Variants in TRPV6 observed in about 807,000 individuals in gnomAD.
The protein encoded by TRPV6 is transient receptor potential cation channel subfamily V member 6.
In TRPV6, 39 loss-of-function variants were observed where a neutral mutation model predicts 79.0. That is an observed-to-expected ratio of 0.49 (90% CI 0.38 to 0.64). The LOEUF (loss-of-function observed/expected upper bound fraction) is 0.64. TRPV6 is among the 30% of genes least tolerant of loss of function. TRPV6 has a pLI of 0.00. For missense variants in TRPV6, 813 were observed against 1,011.1 expected, an observed-to-expected ratio of 0.80 and a Z score of 2.66; for synonymous variants, 373 against 391.9, an observed-to-expected ratio of 0.95 and a Z score of 0.57.
At position 142,874,520 on chromosome 7, in the gene TRPV6, G is replaced by T. The variant is rs1248350146; in HGVS notation, c.1543C>A (p.Leu515Ile). 6.2e-7 allele frequency: 1 copy of T among 1,614,148 alleles called. No homozygotes were observed. Among genetic ancestry groups the T allele is most frequent in the Non-Finnish European group, 8.5e-7 (1 of 1,180,024 alleles). Residue 515 changes from leucine to isoleucine, a missense_variant, in exon 11 of 15, where the codon CTA becomes ATA. Physicochemically the swap from Leu to Ile is conservative, Grantham distance 5. Transcript: ENST00000359396. ...TGAATCATGATGGTGAAGGGGCCTA[G>T]CATCTGGAATCCTCGGGCGAAGTAC...
intron 1 of TRPV6, chr7:142,882,812 AC>A (rs1208411578): frequency 6.6e-6 from 1 of 152,192 alleles, no homozygotes; most frequent in Admixed American, 6.5e-5. Context: ...CACATTTCAT[AC>A]AGGTATTTAA....
At chr7:142,876,359 G>C in intron 6 of TRPV6, 49 bp downstream of exon 6, 1 of 1,586,270 alleles carries the variant, frequency 6.3e-7, no homozygotes, top group Non-Finnish European at 8.6e-7. Context: ...CAGCGGGATA[G>C]GTTGAGGGTC....
chr7:142,874,811 C>G, intron 10 of TRPV6, 93 bp downstream of exon 10: 1 of 1,579,110 alleles, frequency 6.3e-7, no homozygotes, highest in Non-Finnish European at 8.7e-7. Context: ...AGAGGGGGCT[C>G]TGGAGCTAAG....
Position 142,873,873 on chromosome 7 carries a change from T to A in TRPV6, c.1640-157A>T. On this transcript the variant is annotated intron_variant, in intron 12 of 14. Coordinates refer to ENST00000359396, the MANE Select transcript of TRPV6 (RefSeq NM_018646.6). The surrounding 1 kb of genome is among the most constrained non-coding windows in gnomAD (Gnocchi z 4.8). ...GGTTTTTACGGTCCCTAGTTTTGTA[T>A]GAGCCTCATCTTGATCCTAAGAGCC... The A allele has an allele frequency of 8.7e-7, 1 of 1,145,222 alleles. No individual in the cohort carries two copies. Among genetic ancestry groups the A allele is most frequent in the South Asian group, 1.5e-5 (1 of 65,878 alleles). The allele number at this position is 1,145,222 out of a possible 1,614,324, so 70.9% of individuals were successfully genotyped here.
intron 1 of TRPV6, chr7:142,884,711 C>T (rs1795266333): frequency 6.6e-6 from 1 of 152,140 alleles, no homozygotes; most frequent in South Asian, 2.1e-4. Flanking sequence ...GAGCACAGGT[C>T]CTCGGAACAT....
chr7:142,878,066 A>T (rs1452236832), intron 1 of TRPV6, 40 bp from the exon 2 acceptor site: 1 of 1,558,862 alleles, frequency 6.4e-7, no homozygotes, highest in Admixed American at 1.7e-5. Flanking sequence ...AACAGTGAGC[A>T]TACCTAGTTG....
At chr7:142,874,770 T>C (rs1348323515) in intron 10 of TRPV6, 114 bp from the exon 11 acceptor site, 4 of 1,550,936 alleles carry the variant, frequency 2.6e-6, no homozygotes, top group Non-Finnish European at 3.5e-6. Context: ...CTCCCCACAC[T>C]CAATGCCCAG....
chr7:142,874,032 C>T (rs763501407), intron 12 of TRPV6, 44 bp downstream of exon 12: 3 of 1,600,652 alleles, frequency 1.9e-6, no homozygotes, highest in African/African-American at 1.3e-5. Context: ...TAGACTTCCT[C>T]ATCTCTTCCC....
At position 142,877,280 on chromosome 7, in the gene TRPV6, C is replaced by T; in HGVS notation, c.470-1G>A. 1 of 1,613,726 alleles carries T rather than the reference C, an allele frequency of 6.2e-7. No individual in the cohort carries two copies. The highest frequency in any genetic ancestry group is 2.2e-5 in the East Asian group (1 of 44,838). On this transcript the variant is annotated splice_acceptor_variant, in intron 3 of 14. Transcript: ENST00000359396. LOFTEE classifies it high-confidence loss of function. ...ACAGCGATGTGCAGTGCAGTCTGAC[C>T]TGGCCCAGAGACAGCTGTCAGTCAC...
intron 1 of TRPV6, chr7:142,885,157 G>A (rs542000226): frequency 7.0e-5 from 27 of 388,198 alleles, no homozygotes; most frequent in African/African-American, 3.3e-4. Flanking sequence ...TTGCAGAATC[G>A]AATTAGATCT....
At chr7:142,872,247 C>A in intron 14 of TRPV6, 125 bp downstream of exon 14, 1 of 1,068,176 alleles carries the variant, frequency 9.4e-7, no homozygotes, top group East Asian at 2.6e-5. Flanking sequence ...GCTCAATCAA[C>A]AAGCATAGAG....
At chr7:142,877,338 T>A in intron 3 of TRPV6, 59 bp from the exon 4 acceptor site, 1 of 1,597,022 alleles carries the variant, frequency 6.3e-7, no homozygotes, top group Non-Finnish European at 8.6e-7. Flanking sequence ...AGGGGGTCCC[T>A]CCCATATGCA....
At chr7:142,880,872 A>G (rs1362944845) in intron 1 of TRPV6, 1 of 152,106 alleles carries the variant, frequency 6.6e-6, no homozygotes, top group Admixed American at 6.5e-5. Context: ...CGTTATCTCA[A>G]ATTTAAATTG....
Position 142,878,022 on chromosome 7 carries a change from A to G in TRPV6, c.253T>C (p.Trp85Arg). 1 of 1,613,880 alleles carries G rather than the reference A, an allele frequency of 6.2e-7. No individual in the cohort carries two copies. Among genetic ancestry groups the G allele is most frequent in the Non-Finnish European group, 8.5e-7 (1 of 1,179,738 alleles). ...GCAGCTAGAAGGAGAGGAGACTCCC[A>G]GATCCTATGAAGGGATGGAATAGGA... Residue 85 changes from tryptophan (W) to arginine (R), a missense_variant, in exon 2 of 15, where the codon TGG (tryptophan) becomes CGG (arginine). Physicochemically the swap from Trp to Arg is moderately radical, Grantham distance 101. This residue lies in a region of TRPV6 where 555 missense variants were observed against 631.0 expected (regional missense o/e 0.88). Coordinates refer to ENST00000359396, the MANE Select transcript of TRPV6 (RefSeq NM_018646.6).
chr7:142,873,414 T>G lies in TRPV6; in HGVS notation c.1908+34A>C. ...GGTTCCTTGGTAGGAAGGGGATGACTTGCCCTAACCCTCCCTGCCACCAGG... is the reference window on the plus strand; with the variant it reads ...GGTTCCTTGGTAGGAAGGGGATGACGTGCCCTAACCCTCCCTGCCACCAGG... On this transcript the variant is annotated intron_variant, in intron 13 of 14. Coordinates refer to ENST00000359396, the MANE Select transcript of TRPV6 (RefSeq NM_018646.6). This position sits in a 1 kb window ranked among gnomAD's most constrained non-coding sequence, Gnocchi z 4.8. 1 of 1,606,938 alleles carries G rather than the reference T, an allele frequency of 6.2e-7. No individual in the cohort carries two copies. Among genetic ancestry groups the G allele is most frequent in the Non-Finnish European group, 8.5e-7 (1 of 1,175,036 alleles).
In TRPV6 at chr7:142,877,949, T is replaced by G; in HGVS notation, c.326A>C (p.Asp109Ala). The G allele has an allele frequency of 6.2e-7, 1 of 1,614,212 alleles. No individual in the cohort carries two copies. The highest frequency in any genetic ancestry group is 8.5e-7 in the Non-Finnish European group (1 of 1,180,042). ...CTTACCTCTCTGGTGCACCTTGCAA[T>G]CCTCATACTTGAGCAACTTGTTCAG... Residue 109 changes from aspartate to alanine, a missense_variant, in exon 2 of 15, where the codon GAT becomes GCT. By Grantham distance (126) the Asp-to-Ala change is moderately radical. Transcript: ENST00000359396.
chr7:142,871,226 T>A lies in TRPV6; in HGVS notation c.*481A>T. On this transcript the variant is annotated 3_prime_UTR_variant, in exon 15 of 15. Transcript: ENST00000359396. ...GCTGGGCAGGGATCCGAAAACGACT[T>A]TATTGAAGATGGAGTTGGCAAGACC... 3.8e-6 allele frequency: 2 copies of A among 529,382 alleles called. No homozygotes were observed. Among genetic ancestry groups the A allele is most frequent in the South Asian group, 4.1e-5 (2 of 48,840 alleles). 32.8% of individuals were successfully genotyped at this position (529,382 alleles called of 1,614,324 possible).
Position 142,871,391 on chromosome 7 carries a change from C to T in TRPV6, c.*316G>A, listed in dbSNP as rs1033886829. The T allele has an allele frequency of 9.2e-5, 40 of 436,654 alleles. No homozygotes were observed. Among genetic ancestry groups the T allele is most frequent in the African/African-American group, 1.6e-4 (8 of 50,796 alleles). 27.0% of individuals were successfully genotyped at this position (436,654 alleles called of 1,614,324 possible). On this transcript the variant is annotated 3_prime_UTR_variant, in exon 15 of 15. Coordinates refer to ENST00000359396, the MANE Select transcript of TRPV6 (RefSeq NM_018646.6). ...TTATGACCCTGGGGTGGAGACCGAG[C>T]GCCCAAGCAGGCTGGCCTGTTTTTA...
At chr7:142,874,823 T>C in intron 10 of TRPV6, 81 bp downstream of exon 10, 1 of 1,590,182 alleles carries the variant, frequency 6.3e-7, no homozygotes, top group Non-Finnish European at 8.6e-7. Context: ...GGAGCTAAGG[T>C]TCTTGAGAGG....
Sources: allele counts gnomAD v4.1 joint callset, GRCh38; gene constraint gnomAD v4.1.1; regional missense constraint gnomAD v4.1.1; non-coding constraint Gnocchi (gnomAD v3.1); transcripts MANE v1.5; gene names NCBI Gene and HGNC (gene_info 2026-07-23, HGNC 2026-07-21).